The following TECPR1 variants were observed in gnomAD, a reference collection of about 807,000 sequenced individuals.
TECPR1 encodes tectonin beta-propeller repeat-containing protein 1.
A neutral mutation model predicts 162.4 loss-of-function variants in TECPR1; 122 were observed. The observed-to-expected ratio is 0.75, with a 90% CI of 0.65 to 0.87. The LOEUF is 0.87. Among genes scored for constraint, TECPR1 ranks in the 40% least tolerant of loss-of-function variants. TECPR1 has a pLI of 0.00. For missense variants in TECPR1, 1,432 were observed against 1,618.2 expected (o/e 0.88, Z 1.97); for synonymous variants, 642 against 670.6 (o/e 0.96, Z 0.66).
Position 98,241,337 on chromosome 7 carries a change from T to G in TECPR1, c.658-93A>C. The stretch of plus-strand genomic sequence containing the variant: ...GGTGTGGTAGGGGGTAGGACCCATG[T>G]CCCCTGACCGTCCAGATCTCACTCC... On this transcript the variant is annotated intron_variant, in intron 6 of 25. Coordinates refer to ENST00000447648, the MANE Select transcript of TECPR1 (RefSeq NM_015395.3). This position sits in a 1 kb window ranked among gnomAD's most constrained non-coding sequence, Gnocchi z 5.0. The G allele has an allele frequency of 6.7e-7, 1 of 1,483,592 alleles. No homozygotes were observed. Among genetic ancestry groups the G allele is most frequent in the Non-Finnish European group, 9.2e-7 (1 of 1,084,788 alleles). The allele number at this position is 1,483,592 out of a possible 1,614,324, so 91.9% of individuals were successfully genotyped here.
At position 98,215,706 on chromosome 7, in the gene TECPR1, A is replaced by G. The variant is rs1437487273; in HGVS notation, c.*1684T>C. The G allele has an allele frequency of 6.6e-6, 1 of 152,252 alleles. No homozygotes were observed. Among genetic ancestry groups the G allele is most frequent in the African/African-American group, 2.4e-5 (1 of 41,460 alleles). 9.4% of individuals were successfully genotyped at this position (152,252 alleles called of 1,614,324 possible). ...ATGCACAGGTCACTGTTGTAGGGGA[A>G]CAAATCGTAATGCCCAGAGAAAACC... is the stretch of plus-strand genomic sequence containing the variant. On this transcript the variant is annotated 3_prime_UTR_variant, in exon 26 of 26. Transcript: ENST00000447648.
At chr7:98,230,400 C>G (rs1798393748) in intron 15 of TECPR1, among the ~76,000 whole-genome samples, 1 of 151,968 alleles carries the variant, frequency 6.6e-6, no homozygotes, top group African/African-American at 2.4e-5. Context: ...GGCTACCCCA[C>G]GTCCCCCAGG....
intron 19 of TECPR1, among the ~76,000 whole-genome samples, chr7:98,224,167 G>A (rs1444541497): frequency 3.9e-5 from 6 of 152,200 alleles, no homozygotes; most frequent in Non-Finnish European, 8.8e-5. Context: ...CCTGGCTGTG[G>A]CCGAGGGGAC....
rs755521214 is a variant in TECPR1 at position 98,231,922 on chromosome 7, C to A, written c.1856G>T (p.Cys619Phe). Residue 619 changes from cysteine (C) to phenylalanine (F), a missense_variant, in exon 13 of 26, where the codon TGC (cysteine) becomes TTC (phenylalanine). Coordinates refer to ENST00000447648, the MANE Select transcript of TECPR1 (RefSeq NM_015395.3). ...WVKTGALQWWCDWKPHKWVDV... is the reference protein window; with the variant it reads ...WVKTGALQWWFDWKPHKWVDV... ...CACCCACTTGTGGGGCTTCCAGTCG[C>A]ACCACCACTGCAGCGCCCCGGTCTT... is the stretch of plus-strand genomic sequence containing the variant. 1 of 1,609,304 alleles carries A rather than the reference C, an allele frequency of 6.2e-7. No individual in the cohort carries two copies. Among genetic ancestry groups the A allele is most frequent in the East Asian group, 2.2e-5 (1 of 44,858 alleles).
At chr7:98,233,167 C>A in intron 11 of TECPR1, 195 bp from the exon 12 acceptor site, 1 of 799,380 alleles carries the variant, frequency 1.3e-6, no homozygotes, top group South Asian at 2.2e-5. Context: ...CAGCCACCAC[C>A]GCTAGCACAG....
At position 98,244,603 on chromosome 7, in the gene TECPR1, T is replaced by C. The variant is rs1798851619; in HGVS notation, c.499A>G (p.Arg167Gly). 1.9e-6 allele frequency: 3 copies of C among 1,612,816 alleles called. No homozygotes were observed. Among genetic ancestry groups the C allele is most frequent in the African/African-American group, 1.3e-5 (1 of 74,920 alleles). The change falls in exon 5 of 26, where the codon AGG becomes GGG. Residue 167 changes from arginine (R) to glycine (G), a missense_variant. By Grantham distance (125) the Arg-to-Gly change is moderately radical. Transcript: ENST00000447648. ...CAGATGTCCCGGGACTTGTATCTCC[T>C]GTACCGGATCCACTTCCGGCGCCGC... ...CVRRRKWIRY[R>G]RYKSRDIWAK...
chr7:98,233,497 CG>C lies in TECPR1; in HGVS notation c.1595del (p.Pro532ArgfsTer79). 2.0e-6 allele frequency: 3 copies of C among 1,510,742 alleles called. No individual in the cohort carries two copies. Among genetic ancestry groups the C allele is most frequent in the Non-Finnish European group, 2.6e-6 (3 of 1,132,328 alleles). The allele number at this position is 1,510,742 out of a possible 1,614,324, so 93.6% of individuals were successfully genotyped here. A position where few individuals can be genotyped will look rare whatever the true frequency, so the allele number is the denominator to read the frequency against. ...CGCCTCCCGACACCCAGGCCCACAG[CG>C]GGTGGTCATCCACCCCATACGGCTC... is the stretch of plus-strand genomic sequence containing the variant. ...LEEPYGVDDH[P>X]LWAWVSGGGC... On this transcript the variant is annotated frameshift_variant, in exon 11 of 26. Transcript: ENST00000447648. LOFTEE classifies it high-confidence loss of function.
In TECPR1 at chr7:98,229,082, C is replaced by A; in HGVS notation, c.2367G>T (p.Thr789=). 3 of 1,591,040 alleles carry A rather than the reference C, an allele frequency of 1.9e-6. No individual in the cohort carries two copies. Among genetic ancestry groups the A allele is most frequent in the Non-Finnish European group, 2.6e-6 (3 of 1,169,590 alleles). ...CATAGCCGCCTGTGTATACCCAGGCCGTGTGGTCATAGCCGATGCCCCACA... is the reference window on the plus strand; with the variant it reads ...CATAGCCGCCTGTGTATACCCAGGCAGTGTGGTCATAGCCGATGCCCCACA... ...GVVWGIGYDH[T]AWVYTGGYGG... The change falls in exon 16 of 26, where the codon ACG becomes ACT. Residue 789 remains threonine (T), a synonymous_variant. Transcript: ENST00000447648.
At chr7:98,229,956 A>G (rs1166727256) in intron 15 of TECPR1, among the ~76,000 whole-genome samples, 3 of 111,550 alleles carry the variant, frequency 2.7e-5, no homozygotes, top group Non-Finnish European at 5.6e-5. Context: ...CTCAGCTCAG[A>G]TCCCCCCCCC....
chr7:98,222,416 G>C lies in TECPR1; in HGVS notation c.3034C>G (p.Arg1012Gly). The C allele has an allele frequency of 6.3e-7, 1 of 1,597,238 alleles. No homozygotes were observed. Among genetic ancestry groups the C allele is most frequent in the South Asian group, 1.1e-5 (1 of 88,250 alleles). Residue 1012 changes from arginine (R) to glycine (G), a missense_variant, in exon 22 of 26, where the codon CGG becomes GGG. Physicochemically the swap from Arg to Gly is moderately radical, Grantham distance 125. Coordinates refer to ENST00000447648, the MANE Select transcript of TECPR1 (RefSeq NM_015395.3). ...AVARDGSAFYRGSVYPSQPAG... is the reference protein window; with the variant it reads ...AVARDGSAFYGGSVYPSQPAG... ...GGCTGCGAGGGGTACACGGATCCCC[G>C]GTAGAAGGCGGAGCCGTCCCTTGCC...
chr7:98,223,863 A>T, intron 19 of TECPR1, 145 bp from the exon 20 acceptor site: 1 of 834,004 alleles, frequency 1.2e-6, no homozygotes, highest in Non-Finnish European at 1.9e-6. Flanking sequence ...AGGAGGTGTC[A>T]CCACGCGCGG....
rs1212656644 is a variant in TECPR1, at chr7:98,223,320, C to A, written c.2748-150G>T. On this transcript the variant is annotated intron_variant, in intron 20 of 25. Coordinates refer to ENST00000447648, the MANE Select transcript of TECPR1 (RefSeq NM_015395.3). ...GAGGTGGCCTCCTCCCCACCCCCAC[C>A]CCCATCCAGGCCCAGCCAGGCCCCC... 1.8e-5 allele frequency: 13 copies of A among 734,404 alleles called. No homozygotes were observed. In the African/African-American group the frequency reaches 2.4e-4, roughly 13 times the overall value. The allele number at this position is 734,404 out of a possible 1,614,324, so 45.5% of individuals were successfully genotyped here. A position where few individuals can be genotyped will look rare whatever the true frequency, so the allele number is the denominator to read the frequency against.
In TECPR1 at chr7:98,232,718, G is replaced by C; in HGVS notation, c.1818+109C>G. 7.5e-7 allele frequency: 1 copy of C among 1,342,218 alleles called. No individual in the cohort carries two copies. The highest frequency in any genetic ancestry group is 9.9e-7 in the Non-Finnish European group (1 of 1,013,206). The allele number at this position is 1,342,218 out of a possible 1,614,324, so 83.1% of individuals were successfully genotyped here. Reference sequence around the variant, plus strand: ...TGCCTGCATCTGGGCGGGAGACCAGGGGATGGAGGCATCTATCTGTTTCTC... The same window carrying C: ...TGCCTGCATCTGGGCGGGAGACCAGCGGATGGAGGCATCTATCTGTTTCTC... On this transcript the variant is annotated intron_variant, in intron 12 of 25. Transcript: ENST00000447648. The surrounding 1 kb of genome is among the most constrained non-coding windows in gnomAD (Gnocchi z 4.6).
At chr7:98,234,007 T>C (rs1435226421) in intron 10 of TECPR1, 96 bp from the exon 11 acceptor site, 1 of 1,428,908 alleles carries the variant, frequency 7.0e-7, no homozygotes, top group African/African-American at 1.4e-5. Flanking sequence ...TGACTGCCTG[T>C]GGAAACTTGG....
chr7:98,224,598 C>G (rs565901311), intron 19 of TECPR1, among the ~76,000 whole-genome samples: 1 of 152,298 alleles, frequency 6.6e-6, no homozygotes, highest in South Asian at 2.1e-4. Context: ...GCCACGTGTG[C>G]AGGGAGCACT....
chr7:98,235,101 T>C (rs949484629), intron 10 of TECPR1, among the ~76,000 whole-genome samples: 10 of 152,238 alleles, frequency 6.6e-5, no homozygotes, highest in African/African-American at 2.2e-4. Context: ...CCAATTTATC[T>C]GTATTTCCTC....
At position 98,233,656 on chromosome 7, in the gene TECPR1, G is replaced by C; in HGVS notation, c.1437C>G (p.Ala479=). ...TCCAGGGCAGCTCGGCCGGGGTGGG[G>C]GCCGGGCCGGGGTGCGTGTTGGGTC... ...EARPNTHPGP[A]PTPAELPWTN... is the part of the protein sequence containing the mutation. Residue 479 remains alanine, a synonymous_variant, in exon 11 of 26, where the codon GCC becomes GCG. Transcript: ENST00000447648. 6.3e-7 allele frequency: 1 copy of C among 1,595,312 alleles called. No homozygotes were observed. The highest frequency in any genetic ancestry group is 8.6e-7 in the Non-Finnish European group (1 of 1,169,136).
chr7:98,245,963 C>T lies in TECPR1; in HGVS notation c.184G>A (p.Asp62Asn), dbSNP rs377287102. Residue 62 changes from aspartate to asparagine, a missense_variant, in exon 3 of 26, where the codon GAT (aspartate) becomes AAT (asparagine). Asp to Asn is a conservative substitution (Grantham distance 23). Coordinates refer to ENST00000447648, the MANE Select transcript of TECPR1 (RefSeq NM_015395.3). Reference protein sequence around the residue: ...NQVYVYVCASDVPIRRREEAY... With the variant: ...NQVYVYVCASNVPIRRREEAY... ...TCCTCTCGGCGGCGGATGGGGACAT[C>T]GCTGGCACACACATACACGTAGACC... 1.1e-5 allele frequency: 18 copies of T among 1,606,408 alleles called. No individual in the cohort carries two copies. Among genetic ancestry groups the T allele is most frequent in the Middle Eastern group, 1.6e-4 (1 of 6,078 alleles).
chr7:98,236,676 G>A (rs1258997904), intron 10 of TECPR1, 100 bp downstream of exon 10: 1 of 1,465,992 alleles, frequency 6.8e-7, no homozygotes. Context: ...CAAGTCCTGG[G>A]ACCCAGTGGG....
Sources: allele counts gnomAD v4.1 joint callset (sites outside exome capture counted in the v4.1 genomes callset), GRCh38; gene constraint gnomAD v4.1.1; non-coding constraint Gnocchi (gnomAD v3.1); transcripts MANE v1.5; gene names NCBI Gene and HGNC (gene_info 2026-07-23, HGNC 2026-07-21).